Variants in PARD3B observed in about 807,000 individuals in gnomAD.
PARD3B encodes the protein par-3 family cell polarity regulator beta, also known as partitioning defective 3 homolog B.
PARD3B carries 103 observed loss-of-function variants against 130.2 expected under a neutral mutation model. The ratio of observed to expected loss-of-function variants is 0.79; its 90% CI spans 0.67 to 0.93. The LOEUF (loss-of-function observed/expected upper bound fraction) is 0.93. Ranked by LOEUF, PARD3B falls within the 40% of genes least tolerant of loss-of-function variation. The pLI is 0.00. For synonymous variants in PARD3B, 583 were observed against 553.2 expected (o/e 1.05, Z -0.76); for missense variants, 1,609 against 1,499.2 (o/e 1.07, Z -1.21).
At chr2:205,170,798 C>G (rs1247629051) in intron 11 of PARD3B, among the ~76,000 whole-genome samples, 1 of 137,012 alleles carries the variant, frequency 7.3e-6, no homozygotes, top group Non-Finnish European at 1.6e-5. Flanking sequence ...TTTTCTTTTA[C>G]TTTTTTTTTC....
At position 205,460,899 on chromosome 2, in the gene PARD3B, A is replaced by G. The variant is rs1053346813; in HGVS notation, c.3044+20227A>G. Among the ~76,000 whole-genome samples, 2 of 152,220 alleles carry G rather than the reference A, an allele frequency of 1.3e-5. No individual in the cohort carries two copies. The highest frequency in any genetic ancestry group is 2.9e-5 in the Non-Finnish European group (2 of 68,038). ...GAGAATAAAAAAATCTAACAATGTAAGAAGAGGAGGCTACAGAAACCACTG... is the reference window on the plus strand; with the variant it reads ...GAGAATAAAAAAATCTAACAATGTAGGAAGAGGAGGCTACAGAAACCACTG... On this transcript the variant is annotated intron_variant, in intron 20 of 22. Transcript: ENST00000406610. This position sits in a 1 kb window ranked among gnomAD's most constrained non-coding sequence, Gnocchi z 4.9.
At chr2:204,966,769 A>G (rs1290229089) in intron 3 of PARD3B, among the ~76,000 whole-genome samples, 2 of 152,194 alleles carry the variant, frequency 1.3e-5, no homozygotes, top group Non-Finnish European at 2.9e-5. Context: ...CCCTTCTTTG[A>G]AAGTGTGGAC....
Position 204,954,428 on chromosome 2 carries a change from T to C in PARD3B, c.223-10724T>C, listed in dbSNP as rs144746697. On this transcript the variant is annotated intron_variant, in intron 2 of 22. Transcript: ENST00000406610. Reference sequence around the variant, plus strand: ...AAATGCTGGAGAAGGTAGAACATCATTGGACCTGTCATGAGGTCAATCAGC... The same window carrying C: ...AAATGCTGGAGAAGGTAGAACATCACTGGACCTGTCATGAGGTCAATCAGC... Among the ~76,000 whole-genome samples the C allele has an allele frequency of 1.7e-3, 257 of 152,290 alleles. 2 individuals carry two copies. Among genetic ancestry groups the C allele is most frequent in the African/African-American group, 5.7e-3 (238 of 41,560 alleles).
chr2:204,635,858 TA>T (rs1187360525), intron 1 of PARD3B, among the ~76,000 whole-genome samples: 1 of 152,178 alleles, frequency 6.6e-6, no homozygotes, highest in Non-Finnish European at 1.5e-5. Context: ...CCCATCTTAT[TA>T]AAAAATAATG....
chr2:205,441,306 A>G (rs1162974618), intron 20 of PARD3B, among the ~76,000 whole-genome samples: 2 of 152,252 alleles, frequency 1.3e-5, no homozygotes, highest in Admixed American at 6.5e-5. Context: ...TAATAGGACT[A>G]TCTGTCAGTA....
At chr2:205,334,966 A>T (rs937351254) in intron 18 of PARD3B, among the ~76,000 whole-genome samples, 4 of 152,200 alleles carry the variant, frequency 2.6e-5, no homozygotes, top group African/African-American at 7.2e-5. Context: ...TCCATGATCA[A>T]AAAGGAAATC....
chr2:205,035,558 C>A (rs1216192708), intron 3 of PARD3B, among the ~76,000 whole-genome samples: 2 of 151,632 alleles, frequency 1.3e-5, no homozygotes, highest in African/African-American at 4.8e-5. Flanking sequence ...ACTTACAGTA[C>A]TGGTGCAAAA....
In PARD3B at chr2:204,638,542, C is replaced by T. The variant is rs556362245; in HGVS notation, c.121-47639C>T. On this transcript the variant is annotated intron_variant, in intron 1 of 22. Coordinates refer to ENST00000406610, the MANE Select transcript of PARD3B (RefSeq NM_001302769.2). ...TTGTTATTTAGAGTAAACTGGACTT[C>T]GGAATGGTATTGCTTTCAGTCATTC... is the stretch of plus-strand genomic sequence containing the variant. 1.0e-3 allele frequency among the ~76,000 whole-genome samples: 158 copies of T among 152,150 alleles called. No homozygotes were observed. In the Middle Eastern group the frequency reaches 0.017, roughly 16 times the overall value.
intron 4 of PARD3B, among the ~76,000 whole-genome samples, chr2:205,057,538 T>C (rs1297220557): frequency 4.6e-4 from 68 of 146,590 alleles, no homozygotes; most frequent in African/African-American, 1.3e-3. Flanking sequence ...TATACATATA[T>C]GTATATGTGT....
chr2:205,115,450 C>T (rs1367134887), intron 6 of PARD3B, among the ~76,000 whole-genome samples: 3 of 151,926 alleles, frequency 2.0e-5, no homozygotes, highest in Admixed American at 6.6e-5. Context: ...AATGTATGAA[C>T]GTGTAAATCA....
intron 2 of PARD3B, among the ~76,000 whole-genome samples, chr2:204,837,951 A>G (rs894675540): frequency 6.6e-6 from 1 of 152,156 alleles, no homozygotes; most frequent in African/African-American, 2.4e-5. Flanking sequence ...CAGCAGAACT[A>G]TCTGGAGCAC....
intron 10 of PARD3B, among the ~76,000 whole-genome samples, chr2:205,127,094 G>A (rs1455011561): frequency 2.6e-5 from 4 of 151,898 alleles, no homozygotes; most frequent in Non-Finnish European, 5.9e-5. Context: ...GAGGTCAGGA[G>A]TTCGAAACCT....
chr2:204,660,139 TG>T lies in PARD3B; in HGVS notation c.121-26038del, dbSNP rs2035756102. ...GTATTTCTTTTTCATCTGCTTCCCT[TG>T]GGGAAGAAGCTATTCCACAAATGTT... On this transcript the variant is annotated intron_variant, in intron 1 of 22. Coordinates refer to ENST00000406610, the MANE Select transcript of PARD3B (RefSeq NM_001302769.2). 7.9e-5 allele frequency among the ~76,000 whole-genome samples: 12 copies of T among 152,298 alleles called. No homozygotes were observed. The South Asian group carries it at 2.5e-3, about 32-fold the overall frequency.
chr2:205,117,798 C>T (rs968434836), intron 6 of PARD3B, among the ~76,000 whole-genome samples: 13 of 152,238 alleles, frequency 8.5e-5, no homozygotes, highest in South Asian at 6.2e-4. Flanking sequence ...TGTCACATCA[C>T]GAGGAGAAGG....
Position 205,287,990 on chromosome 2 carries a change from A to G in PARD3B, c.2186-12540A>G, listed in dbSNP as rs537812430. Among the ~76,000 whole-genome samples the G allele has an allele frequency of 6.6e-5, 10 of 152,272 alleles. No individual in the cohort carries two copies. The East Asian group carries it at 1.9e-3, about 29-fold the overall frequency. On this transcript the variant is annotated intron_variant, in intron 16 of 22. Transcript: ENST00000406610. The surrounding 1 kb of genome is among the most constrained non-coding windows in gnomAD (Gnocchi z 4.8). ...CTCCAGTATGCTGTCAGATTTCACA[A>G]CAACATTAAGTGGTACTTCCTTTCC...
At chr2:204,747,413 T>C (rs1341006122) in intron 2 of PARD3B, among the ~76,000 whole-genome samples, 1 of 152,128 alleles carries the variant, frequency 6.6e-6, no homozygotes. Context: ...TATAAACCAC[T>C]GCTCAACGAA....
At chr2:204,961,131 A>G (rs1690708980) in intron 2 of PARD3B, among the ~76,000 whole-genome samples, 1 of 152,196 alleles carries the variant, frequency 6.6e-6, no homozygotes, top group Non-Finnish European at 1.5e-5. Context: ...GCAGAGACTT[A>G]GGCTTTTCTT....
intron 22 of PARD3B, among the ~76,000 whole-genome samples, chr2:205,570,861 C>A (rs2106546487): frequency 6.6e-6 from 1 of 152,296 alleles, no homozygotes; most frequent in South Asian, 2.1e-4. Flanking sequence ...TGAGAATAAG[C>A]AGACAACAAC....
At chr2:204,823,361 G>A (rs1675778667) in intron 2 of PARD3B, among the ~76,000 whole-genome samples, 1 of 151,404 alleles carries the variant, frequency 6.6e-6, no homozygotes, top group South Asian at 2.1e-4. Flanking sequence ...ATAAAATAAT[G>A]CTCTCATTTT....
Sources: gnomAD v4.1 joint callset for allele counts (sites outside exome capture counted in the v4.1 genomes callset) on GRCh38, gnomAD v4.1.1 for gene constraint, Gnocchi (gnomAD v3.1) non-coding constraint, MANE v1.5 for transcripts, NCBI Gene and HGNC (gene_info 2026-07-23, HGNC 2026-07-21) for gene names.